KCNG3: variants seen among roughly 807,000 people sequenced by gnomAD.
The protein encoded by KCNG3 is voltage-gated potassium channel regulatory subunit KCNG3.
Under a neutral mutation model 29.0 loss-of-function variants are expected in KCNG3, and 15 were observed. The ratio of observed to expected loss-of-function variants is 0.52; its 90% CI spans 0.35 to 0.80. KCNG3 has a LOEUF of 0.80. Ranked by LOEUF, KCNG3 falls within the 30% of genes least tolerant of loss-of-function variation. The probability of loss-of-function intolerance (pLI) is 0.01; values close to 1 mark genes in which losing one functional copy is unlikely to be tolerated. For missense variants in KCNG3, 512 were observed against 605.7 expected (o/e 0.85, Z 1.62); for synonymous variants, 322 against 248.9 (o/e 1.29, Z -2.76).
chr2:42,448,153 C>T (rs947549905), intron 1 of KCNG3, among the ~76,000 whole-genome samples: 15 of 152,288 alleles, frequency 9.8e-5, no homozygotes, highest in African/African-American at 3.6e-4. Flanking sequence ...TGTGACCTGT[C>T]TGTATCACTT....
Position 42,442,287 on chromosome 2 carries a change from G to C in KCNG3, c.*1647C>G, listed in dbSNP as rs1672503345. ...GCTTAGGAAAGGAAATTAAGGGAAA[G>C]AAAACAGTTTTGCTATTATTACCTC... is the stretch of plus-strand genomic sequence containing the variant. On this transcript the variant is annotated 3_prime_UTR_variant, in exon 2 of 2. Coordinates refer to ENST00000306078, the MANE Select transcript of KCNG3 (RefSeq NM_133329.6). 6 of 152,126 alleles carry C rather than the reference G, an allele frequency of 3.9e-5. No individual in the cohort carries two copies. The South Asian group carries it at 1.2e-3, about 32-fold the overall frequency. The allele number at this position is 152,126 out of a possible 1,614,324, so 9.4% of individuals were successfully genotyped here. A position where few individuals can be genotyped will look rare whatever the true frequency, so the allele number is the denominator to read the frequency against.
chr2:42,489,506 T>G (rs1435879790), intron 1 of KCNG3, among the ~76,000 whole-genome samples: 1 of 152,226 alleles, frequency 6.6e-6, no homozygotes, highest in Non-Finnish European at 1.5e-5. Context: ...TATGTTTATA[T>G]GAAAATATAA....
the KCNG3 span, among the ~76,000 whole-genome samples, chr2:42,428,064 A>G: frequency 6.6e-6 from 1 of 152,232 alleles, no homozygotes; most frequent in Admixed American, 6.5e-5. Context: ...GTCTGATGCA[A>G]TGACATTCAG....
Position 42,493,395 on chromosome 2 carries a change from C to T in KCNG3, c.107G>A (p.Ser36Asn). The stretch of plus-strand genomic sequence containing the variant: ...CTCGGAGCGGCAGCCGTGCAGCCGG[C>T]TCACGCGGCGCAGCGGGAAGTCCTT... ...LLKDFPLRRVSRLHGCRSERD... is the reference protein window; with the variant it reads ...LLKDFPLRRVNRLHGCRSERD... The change falls in exon 1 of 2, where the codon AGC (serine) becomes AAC (asparagine). Residue 36 changes from serine (S) to asparagine (N), a missense_variant. Physicochemically the swap from Ser to Asn is conservative, Grantham distance 46. Transcript: ENST00000306078. 6.6e-7 allele frequency: 1 copy of T among 1,524,586 alleles called. No homozygotes were observed. Among genetic ancestry groups the T allele is most frequent in the Non-Finnish European group, 8.8e-7 (1 of 1,137,310 alleles). The allele number at this position is 1,524,586 out of a possible 1,614,324, so 94.4% of individuals were successfully genotyped here.
intron 1 of KCNG3, among the ~76,000 whole-genome samples, chr2:42,467,845 C>T (rs1572853729): frequency 6.6e-6 from 1 of 151,778 alleles, no homozygotes; most frequent in East Asian, 1.9e-4. Context: ...GTAGCATGCC[C>T]CTATAGTCCT....
the KCNG3 span, among the ~76,000 whole-genome samples, chr2:42,416,688 C>T: frequency 6.6e-6 from 1 of 151,820 alleles, no homozygotes; most frequent in Non-Finnish European, 1.5e-5. Flanking sequence ...TGCATTGGCT[C>T]ATGCCTGTAA....
the KCNG3 span, among the ~76,000 whole-genome samples, chr2:42,405,442 AT>A: frequency 3.0e-3 from 409 of 137,370 alleles, no homozygotes; most frequent in Middle Eastern, 7.5e-3. Flanking sequence ...ATTCTGCAGC[AT>A]TTTTTTTTTT....
rs769021571 is a variant in KCNG3 at position 42,493,019 on chromosome 2, G to A, written c.483C>T (p.Phe161=). Residue 161 remains phenylalanine (F), a synonymous_variant, in exon 1 of 2, where the codon TTC becomes TTT. Transcript: ENST00000306078. The part of the protein sequence containing the change: ...RRWLERMRRT[F]EEPTSSLAAQ... ...CGGCCAGCGACGACGTGGGCTCCTC[G>A]AAGGTCCGCCGCATGCGCTCCAGCC... 1.1e-5 allele frequency: 17 copies of A among 1,524,944 alleles called. No homozygotes were observed. The Admixed American group carries it at 3.5e-4, about 32-fold the overall frequency. 94.5% of individuals were successfully genotyped at this position (1,524,944 alleles called of 1,614,324 possible).
chr2:42,416,008 A>G, the KCNG3 span, among the ~76,000 whole-genome samples: 1 of 152,094 alleles, frequency 6.6e-6, no homozygotes, highest in Non-Finnish European at 1.5e-5. Flanking sequence ...TAGGCTGGCC[A>G]ACATGGTGAA....
chr2:42,492,698 G>T lies in KCNG3; in HGVS notation c.665+139C>A, dbSNP rs1673921479. 11 of 597,132 alleles carry T rather than the reference G, an allele frequency of 1.8e-5. No homozygotes were observed. In the South Asian group the frequency reaches 3.5e-4, roughly 19 times the overall value. 37.0% of individuals were successfully genotyped at this position (597,132 alleles called of 1,614,324 possible). A position where few individuals can be genotyped will look rare whatever the true frequency, so the allele number is the denominator to read the frequency against. On this transcript the variant is annotated intron_variant, in intron 1 of 1. Coordinates refer to ENST00000306078, the MANE Select transcript of KCNG3 (RefSeq NM_133329.6). ...GTGGGGACCGACCGGTCCCGTAGTTGGCCGCGCCTGGGCCTCGCTGGGCGC... is the reference window on the plus strand; with the variant it reads ...GTGGGGACCGACCGGTCCCGTAGTTTGCCGCGCCTGGGCCTCGCTGGGCGC...
intron 1 of KCNG3, among the ~76,000 whole-genome samples, chr2:42,475,289 A>C (rs1029421300): frequency 2.0e-5 from 3 of 147,106 alleles, no homozygotes; most frequent in African/African-American, 7.5e-5. Flanking sequence ...ACACCACTGT[A>C]CTCCAGCCTG....
rs11684852 is a variant in KCNG3, at chr2:42,442,480, T to C, written c.*1454A>G. The C allele has an allele frequency of 0.27, 40,989 of 152,004 alleles. 6,246 individuals are homozygous for C. The highest frequency in any genetic ancestry group is 0.58 in the East Asian group (2,983 of 5,154). 9.4% of individuals were successfully genotyped at this position (152,004 alleles called of 1,614,324 possible). A position where few individuals can be genotyped will look rare whatever the true frequency, so the allele number is the denominator to read the frequency against. On this transcript the variant is annotated 3_prime_UTR_variant, in exon 2 of 2. Transcript: ENST00000306078. ...GATTTTCTACCTGTAATAGTTGAGG[T>C]TTGAACTAGATGATGGCTAAAATTC...
intron 1 of KCNG3, among the ~76,000 whole-genome samples, chr2:42,451,501 G>A (rs985535589): frequency 6.6e-6 from 1 of 151,874 alleles, no homozygotes; most frequent in Non-Finnish European, 1.5e-5. Flanking sequence ...GAGGTGGGTG[G>A]ATCACTTGAG....
chr2:42,419,215 A>ATC, the KCNG3 span, among the ~76,000 whole-genome samples: 365 of 58,852 alleles, frequency 6.2e-3, 4 homozygotes, highest in East Asian at 0.048. Flanking sequence ...CTCAGATGGT[A>ATC]TCTCTTTTTT....
At chr2:42,490,513 C>T (rs2103616217) in intron 1 of KCNG3, among the ~76,000 whole-genome samples, 1 of 152,332 alleles carries the variant, frequency 6.6e-6, no homozygotes, top group Non-Finnish European at 1.5e-5. Flanking sequence ...TTGTTTCCAT[C>T]CTCCACCACC....
Position 42,443,817 on chromosome 2 carries a change from T to C in KCNG3, c.*117A>G. The C allele has an allele frequency of 1.0e-6, 1 of 966,272 alleles. No homozygotes were observed. The highest frequency in any genetic ancestry group is 2.6e-5 in the Admixed American group (1 of 38,952). The allele number at this position is 966,272 out of a possible 1,614,324, so 59.9% of individuals were successfully genotyped here. On this transcript the variant is annotated 3_prime_UTR_variant, in exon 2 of 2. Transcript: ENST00000306078. ...CCCTTCGGCTGGGAAGGATAATTTT[T>C]ACCCTACCAAGATGATGACAATGCC...
chr2:42,441,891 C>G (rs1037053595), downstream of KCNG3: 15 of 105,264 alleles, frequency 1.4e-4, no homozygotes, highest in Middle Eastern at 0.012. Flanking sequence ...GTGCCCAAGT[C>G]TGTAACAGAC....
At chr2:42,445,198 A>T (rs1672569743) in intron 1 of KCNG3, among the ~76,000 whole-genome samples, 1 of 152,112 alleles carries the variant, frequency 6.6e-6, no homozygotes, top group Non-Finnish European at 1.5e-5. Context: ...TGGTAGTTTG[A>T]AATTAACTTA....
the KCNG3 span, among the ~76,000 whole-genome samples, chr2:42,428,170 T>A: frequency 1.1e-4 from 17 of 151,682 alleles, no homozygotes; most frequent in Non-Finnish European, 1.9e-4. Context: ...TTTTTTTTTT[T>A]AAGTTTAGCC....
Sources: allele counts gnomAD v4.1 joint callset (sites outside exome capture counted in the v4.1 genomes callset), GRCh38; gene constraint gnomAD v4.1.1; transcripts MANE v1.5; gene names NCBI Gene and HGNC (gene_info 2026-07-23, HGNC 2026-07-21).